The following MYH9 variants were observed in gnomAD, a reference collection of about 807,000 sequenced individuals.
MYH9 encodes myosin heavy chain 9, also known as myosin-9.
In MYH9, 29 loss-of-function variants were observed where a neutral mutation model predicts 241.9. That is an observed-to-expected ratio of 0.12 (90% CI 0.09 to 0.16). The LOEUF is 0.16. MYH9 is among the 10% of genes least tolerant of loss of function. The pLI is 1.00. For missense variants in MYH9, 1,803 were observed against 2,595.5 expected (o/e 0.69, Z 6.63); for synonymous variants, 1,047 against 1,062.6 (o/e 0.99, Z 0.29).
intron 1 of MYH9, among the ~76,000 whole-genome samples, chr22:36,380,280 G>C (rs926983501): frequency 2.6e-5 from 4 of 152,204 alleles, no homozygotes; most frequent in Non-Finnish European, 4.4e-5. Context: ...CTTGAGAAGG[G>C]GGGTAGGGCC....
At chr22:36,369,425 G>GC (rs1259610752) in intron 1 of MYH9, among the ~76,000 whole-genome samples, 3 of 152,240 alleles carry the variant, frequency 2.0e-5, no homozygotes, top group African/African-American at 7.2e-5. Context: ...TGGGCGGCAG[G>GC]CCGGCTCTGG....
At position 36,306,688 on chromosome 22, in the gene MYH9, G is replaced by A; in HGVS notation, c.1844-81C>T. 1 of 1,336,738 alleles carries A rather than the reference G, an allele frequency of 7.5e-7. No individual in the cohort carries two copies. The highest frequency in any genetic ancestry group is 1.0e-6 in the Non-Finnish European group (1 of 957,508). The allele number at this position is 1,336,738 out of a possible 1,614,324, so 82.8% of individuals were successfully genotyped here. On this transcript the variant is annotated intron_variant, in intron 15 of 40. Coordinates refer to ENST00000216181, the MANE Select transcript of MYH9 (RefSeq NM_002473.6). The surrounding 1 kb of genome is among the most constrained non-coding windows in gnomAD (Gnocchi z 4.1). ...GGGAGCACGTAGGAGAGAGAGACAGGCACACGTCGGACAGGAAAAGAGGAG... is the reference window on the plus strand; with the variant it reads ...GGGAGCACGTAGGAGAGAGAGACAGACACACGTCGGACAGGAAAAGAGGAG...
chr22:36,336,799 G>C (rs2017507079), intron 3 of MYH9, among the ~76,000 whole-genome samples: 1 of 152,230 alleles, frequency 6.6e-6, no homozygotes, highest in Non-Finnish European at 1.5e-5. Flanking sequence ...GCTGGCGCAG[G>C]TGTAGGCACC....
intron 3 of MYH9, among the ~76,000 whole-genome samples, chr22:36,331,506 G>T (rs8143119): frequency 0.48 from 73,117 of 151,982 alleles, 19,595 homozygotes; most frequent in Non-Finnish European, 0.6. Context: ...GCCCAGGAGG[G>T]AGGAAGGGGA....
At chr22:36,323,448 C>A (rs1250234240) in intron 5 of MYH9, among the ~76,000 whole-genome samples, 5 of 152,218 alleles carry the variant, frequency 3.3e-5, no homozygotes, top group Admixed American at 2.6e-4. Context: ...TGCCTGAGTG[C>A]CCTCTGGGGG....
rs567484605 is a variant in MYH9 at position 36,350,769 on chromosome 22, C to T, written c.-19-1514G>A. Among the ~76,000 whole-genome samples, 39 of 152,318 alleles carry T rather than the reference C, an allele frequency of 2.6e-4. No homozygotes were observed. The South Asian group carries it at 7.5e-3, about 29-fold the overall frequency. Reference sequence around the variant, plus strand: ...GTGGCCTTTCCACGACTAACACCATCGTTATTCCTGCTCAGAGGCGCAGGC... The same window carrying T: ...GTGGCCTTTCCACGACTAACACCATTGTTATTCCTGCTCAGAGGCGCAGGC... On this transcript the variant is annotated intron_variant, in intron 1 of 40. Transcript: ENST00000216181.
In MYH9 at chr22:36,289,147, T is replaced by C; in HGVS notation, c.4495A>G (p.Asn1499Asp). The C allele has an allele frequency of 6.2e-7, 1 of 1,614,086 alleles. No individual in the cohort carries two copies. Among genetic ancestry groups the C allele is most frequent in the Non-Finnish European group, 8.5e-7 (1 of 1,180,044 alleles). Residue 1499 changes from asparagine to aspartate, a missense_variant, in exon 32 of 41, where the codon AAC (asparagine) becomes GAC (aspartate). By Grantham distance (23) the Asn-to-Asp change is conservative. Transcript: ENST00000216181. Reference protein sequence around the residue: ...MEQKAELERLNKQFRTEMEDL... With the variant: ...MEQKAELERLDKQFRTEMEDL... ...TCCATCTCCGTGCGGAACTGCTTGT[T>C]GAGCCGCTCCAGCTCCGCCTTCTGC...
Position 36,387,827 on chromosome 22 carries a change from G to C in MYH9, c.-40C>G, listed in dbSNP as rs1603484876. 1.3e-5 allele frequency: 2 copies of C among 152,228 alleles called. No individual in the cohort carries two copies. The highest frequency in any genetic ancestry group is 3.9e-4 in the East Asian group (2 of 5,172). 9.4% of individuals were successfully genotyped at this position (152,228 alleles called of 1,614,324 possible). A position where few individuals can be genotyped will look rare whatever the true frequency, so the allele number is the denominator to read the frequency against. On this transcript the variant is annotated 5_prime_UTR_variant, in exon 1 of 41. Coordinates refer to ENST00000216181, the MANE Select transcript of MYH9 (RefSeq NM_002473.6). ...CTCACCTGAACCTGGATCTGCCCCG[G>C]GAACAGGCGCTGCTTCTCCCGAGAG...
intron 15 of MYH9, 31 bp downstream of exon 15, chr22:36,309,251 G>A (rs1345187331): frequency 6.3e-7 from 1 of 1,576,204 alleles, no homozygotes; most frequent in Admixed American, 1.7e-5. Context: ...GCAGCCAAGA[G>A]GAGGCAGGGG....
intron 18 of MYH9, among the ~76,000 whole-genome samples, chr22:36,304,792 C>T (rs1050975639): frequency 6.6e-6 from 1 of 152,238 alleles, no homozygotes; most frequent in Non-Finnish European, 1.5e-5. Flanking sequence ...CATCAGAGCC[C>T]GGCCATGGCT....
Position 36,356,958 on chromosome 22 carries a change from C to T in MYH9, c.-19-7703G>A, listed in dbSNP as rs183650116. ...CTTGCTGTGTGGCCTTCGGCCGGTGCCACCTCTCTGGCCTCAACTGTAAAT... is the reference window on the plus strand; with the variant it reads ...CTTGCTGTGTGGCCTTCGGCCGGTGTCACCTCTCTGGCCTCAACTGTAAAT... On this transcript the variant is annotated intron_variant, in intron 1 of 40. Transcript: ENST00000216181. 2.5e-3 allele frequency among the ~76,000 whole-genome samples: 384 copies of T among 152,390 alleles called. 1 individual carries two copies. Among genetic ancestry groups the T allele is most frequent in the African/African-American group, 8.8e-3 (367 of 41,588 alleles).
At chr22:36,304,906 G>T (rs1033373558) in intron 18 of MYH9, 127 bp downstream of exon 18, 24 of 940,318 alleles carry the variant, frequency 2.6e-5, no homozygotes, top group Non-Finnish European at 3.6e-5. Context: ...CAGACGCGGA[G>T]CATCAGAAGG....
At chr22:36,301,899 C>T (rs559879002) in intron 20 of MYH9, among the ~76,000 whole-genome samples, 17 of 152,150 alleles carry the variant, frequency 1.1e-4, no homozygotes, top group South Asian at 1.0e-3. Flanking sequence ...ATGTTCACCT[C>T]GGCATTGTTT....
At chr22:36,294,491 G>C (rs911633991) in intron 27 of MYH9, among the ~76,000 whole-genome samples, 193 bp from the exon 28 acceptor site, 8 of 152,188 alleles carry the variant, frequency 5.3e-5, no homozygotes, top group African/African-American at 1.7e-4. Flanking sequence ...GGTGACACTT[G>C]GTTCCTGTCT....
chr22:36,353,190 C>T (rs1362862177), intron 1 of MYH9, among the ~76,000 whole-genome samples: 1 of 151,948 alleles, frequency 6.6e-6, no homozygotes, highest in Non-Finnish European at 1.5e-5. Context: ...GTGGGTTAAA[C>T]CACCTTATCT....
At chr22:36,338,483 G>A (rs193087034) in intron 3 of MYH9, among the ~76,000 whole-genome samples, 83 of 152,192 alleles carry the variant, frequency 5.5e-4, no homozygotes, top group African/African-American at 1.8e-3. Flanking sequence ...CAAGTTTCCC[G>A]TGCTCACAAA....
At chr22:36,369,920 C>T (rs1603484480) in intron 1 of MYH9, among the ~76,000 whole-genome samples, 1 of 152,164 alleles carries the variant, frequency 6.6e-6, no homozygotes, top group African/African-American at 2.4e-5. Context: ...ACTAATACTG[C>T]CACCTTCATG....
rs552692187 is a variant in MYH9 at position 36,341,538 on chromosome 22, A to G, written c.334-12T>C. 5.6e-6 allele frequency: 9 copies of G among 1,613,338 alleles called. No homozygotes were observed. In the Admixed American group the frequency reaches 8.3e-5, roughly 15 times the overall value. ...AGGCCTGAATAGGTCTAAAGAAAAG[A>G]GCGGCAGATAGGAACAGGTTAGGAA... is the stretch of plus-strand genomic sequence containing the variant. On this transcript the variant is annotated splice_polypyrimidine_tract_variant and intron_variant, in intron 2 of 40. Transcript: ENST00000216181.
chr22:36,293,906 C>A lies in MYH9; in HGVS notation c.3838-43G>T, dbSNP rs1300044728. On this transcript the variant is annotated intron_variant, in intron 28 of 40. Coordinates refer to ENST00000216181, the MANE Select transcript of MYH9 (RefSeq NM_002473.6). This position sits in a 1 kb window ranked among gnomAD's most constrained non-coding sequence, Gnocchi z 5.1. ...ACACAAAGGACCATGGACCCACCCC[C>A]ACTGCTCCTGCCCCACCTCATCTCC... is the stretch of plus-strand genomic sequence containing the variant. 4 of 1,563,026 alleles carry A rather than the reference C, an allele frequency of 2.6e-6. No homozygotes were observed. The highest frequency in any genetic ancestry group is 1.4e-5 in the African/African-American group (1 of 73,844).
Sources: allele counts gnomAD v4.1 joint callset (sites outside exome capture counted in the v4.1 genomes callset), GRCh38; gene constraint gnomAD v4.1.1; non-coding constraint Gnocchi (gnomAD v3.1); transcripts MANE v1.5; gene names NCBI Gene and HGNC (gene_info 2026-07-23, HGNC 2026-07-21).